The following SLC12A7 variants were observed in gnomAD, a reference collection of about 807,000 sequenced individuals.
The protein encoded by SLC12A7 is K-Cl cotransporter 4.
A neutral mutation model predicts 120.6 loss-of-function variants in SLC12A7; 100 were observed. The observed-to-expected ratio is 0.83, with a 90% confidence interval of 0.71 to 0.98. The LOEUF (loss-of-function observed/expected upper bound fraction) is 0.98, where lower values mean the gene tolerates loss of function less well. Ranked by LOEUF, SLC12A7 falls within the 50% of genes least tolerant of loss-of-function variation. SLC12A7 has a pLI of 0.00. For missense variants in SLC12A7, 1,373 were observed against 1,548.1 expected (o/e 0.89, Z 1.90); for synonymous variants, 760 against 678.0 (o/e 1.12, Z -1.88).
At chr5:1,057,331 G>T in intron 22 of SLC12A7, 140 bp downstream of exon 22, 1 of 863,140 alleles carries the variant, frequency 1.2e-6, no homozygotes, top group Non-Finnish European at 1.7e-6. Context: ...CACTCAGGCG[G>T]CTCCCTGTTC....
intron 3 of SLC12A7, among the ~76,000 whole-genome samples, chr5:1,093,328 C>A (rs1042550331): frequency 2.6e-5 from 4 of 152,196 alleles, no homozygotes; most frequent in African/African-American, 9.6e-5. Context: ...TGTCACGCTT[C>A]CCCGGACGGT....
chr5:1,095,558 C>G (rs1471615517), intron 1 of SLC12A7, among the ~76,000 whole-genome samples: 17 of 152,350 alleles, frequency 1.1e-4, no homozygotes. Context: ...GCCCAGTCCA[C>G]CCTAGCCCTG....
intron 3 of SLC12A7, among the ~76,000 whole-genome samples, chr5:1,093,008 C>G (rs1018835219): frequency 6.6e-6 from 1 of 152,156 alleles, no homozygotes. Context: ...CCCACAGAAA[C>G]CACTCAAGGG....
At chr5:1,126,238 C>T in the SLC12A7 span, among the ~76,000 whole-genome samples, 3,344 of 152,202 alleles carry the variant, frequency 0.022, 58 homozygotes, top group Middle Eastern at 0.11. Context: ...CAGGCATGGG[C>T]CACCATGCCC....
rs1056208308 is a variant in SLC12A7, at chr5:1,050,459, G to A, written c.*1901C>T. On this transcript the variant is annotated 3_prime_UTR_variant, in exon 24 of 24. Transcript: ENST00000264930. ...CCTACAAAAGGAAACGGAGTCAATT[G>A]TAAATGGCTGTAGTTACTGGTTACA... 7 of 176,068 alleles carry A rather than the reference G, an allele frequency of 4.0e-5. No homozygotes were observed. In the East Asian group the frequency reaches 4.4e-4, roughly 11 times the overall value. The allele number at this position is 176,068 out of a possible 1,614,324, so 10.9% of individuals were successfully genotyped here.
intron 9 of SLC12A7, among the ~76,000 whole-genome samples, chr5:1,081,320 G>T (rs566944260): frequency 6.6e-6 from 1 of 152,220 alleles, no homozygotes; most frequent in South Asian, 2.1e-4. Context: ...TTAACCGGGC[G>T]TGGTACCGTG....
chr5:1,134,640 C>T, the SLC12A7 span, among the ~76,000 whole-genome samples: 1 of 152,048 alleles, frequency 6.6e-6, no homozygotes, highest in Non-Finnish European at 1.5e-5. Context: ...AATAGAATGA[C>T]CCTCTGACCC....
At chr5:1,134,528 A>G in the SLC12A7 span, among the ~76,000 whole-genome samples, 36 of 152,244 alleles carry the variant, frequency 2.4e-4, no homozygotes, top group Non-Finnish European at 4.0e-4. Flanking sequence ...GAGAAAATGA[A>G]TGCTGTAAGA....
At chr5:1,062,546 C>T (rs1353641212) in intron 20 of SLC12A7, among the ~76,000 whole-genome samples, 1 of 152,238 alleles carries the variant, frequency 6.6e-6, no homozygotes, top group East Asian at 1.9e-4. Context: ...CACAGGACAA[C>T]TGAGTTCCAC....
At chr5:1,053,846 T>C (rs764852266) in intron 22 of SLC12A7, among the ~76,000 whole-genome samples, 8 of 152,228 alleles carry the variant, frequency 5.3e-5, no homozygotes, top group Non-Finnish European at 1.0e-4. Context: ...GGGTGGCCCA[T>C]GTGCCTGACG....
At chr5:1,057,681 G>C (rs748709897) in intron 21 of SLC12A7, 32 bp from the exon 22 acceptor site, 7 of 1,573,688 alleles carry the variant, frequency 4.4e-6, no homozygotes, top group Non-Finnish European at 6.0e-6. Flanking sequence ...GAGACCAGCC[G>C]GTCTCAAAAC....
At chr5:1,148,205 CTTTTTT>C in the SLC12A7 span, among the ~76,000 whole-genome samples, 2 of 107,638 alleles carry the variant, frequency 1.9e-5, no homozygotes, top group African/African-American at 3.8e-5. Context: ...TTCTTTCTTT[CTTTTTT>C]TTTTTTTTTT....
intron 23 of SLC12A7, among the ~76,000 whole-genome samples, chr5:1,052,901 A>G (rs1735203511): frequency 6.6e-6 from 1 of 152,228 alleles, no homozygotes; most frequent in South Asian, 2.1e-4. Flanking sequence ...GCCCAGATGC[A>G]CTGCGGAGTT....
Position 1,086,958 on chromosome 5 carries a change from A to G in SLC12A7, c.620T>C (p.Leu207Pro). Residue 207 changes from leucine (L) to proline (P), a missense_variant, in exon 6 of 24, where the codon CTG (leucine) becomes CCG (proline). Leu to Pro is a moderately conservative substitution (Grantham distance 98). Transcript: ENST00000264930. ...CATGGCCCCTGCAAACGTCGTGCCCAGGTAGAAGCAGAGGCCGACAGCGCC... is the reference window on the plus strand; with the variant it reads ...CATGGCCCCTGCAAACGTCGTGCCCGGGTAGAAGCAGAGGCCGACAGCGCC... The part of the protein sequence containing the change: ...FGGAVGLCFY[L>P]GTTFAGAMYI... 1.2e-6 allele frequency: 2 copies of G among 1,612,896 alleles called. No homozygotes were observed. The highest frequency in any genetic ancestry group is 1.7e-6 in the Non-Finnish European group (2 of 1,180,002).
the SLC12A7 span, among the ~76,000 whole-genome samples, chr5:1,150,687 C>G: frequency 1.3e-5 from 2 of 152,238 alleles, no homozygotes; most frequent in Non-Finnish European, 2.9e-5. Flanking sequence ...TCTTTAAGAG[C>G]AAAGTGACAA....
At chr5:1,128,452 A>G in the SLC12A7 span, among the ~76,000 whole-genome samples, 1 of 152,260 alleles carries the variant, frequency 6.6e-6, no homozygotes. Flanking sequence ...ACCCTGGAGC[A>G]TGCCTGGGTA....
At position 1,079,244 on chromosome 5, in the gene SLC12A7, C is replaced by T. The variant is rs748653878; in HGVS notation, c.1396+154G>A. 4.6e-5 allele frequency among the ~76,000 whole-genome samples: 7 copies of T among 152,200 alleles called. 1 individual carries two copies. Among genetic ancestry groups the T allele is most frequent in the Non-Finnish European group, 8.8e-5 (6 of 68,014 alleles). On this transcript the variant is annotated intron_variant, in intron 10 of 23. Transcript: ENST00000264930. ...GCCAGGGTCCTGACAGCAGCCCTTGCCCCGTCTCCCAGGGAGGATGACGTG... is the reference window on the plus strand; with the variant it reads ...GCCAGGGTCCTGACAGCAGCCCTTGTCCCGTCTCCCAGGGAGGATGACGTG...
chr5:1,154,319 ACCAATCCATGCAGT>A, the SLC12A7 span, among the ~76,000 whole-genome samples: 6 of 151,266 alleles, frequency 4.0e-5, no homozygotes, highest in Non-Finnish European at 8.8e-5. Flanking sequence ...ACACCCCTGT[ACCAATCCATGCAGT>A]CCTGGACAAC....
At chr5:1,134,470 A>T in the SLC12A7 span, among the ~76,000 whole-genome samples, 2 of 124,188 alleles carry the variant, frequency 1.6e-5, no homozygotes, top group Admixed American at 7.2e-5. Flanking sequence ...AATTCTGTTT[A>T]AAAAAAAAAA....
Sources: allele counts gnomAD v4.1 joint callset (sites outside exome capture counted in the v4.1 genomes callset), GRCh38; gene constraint gnomAD v4.1.1; transcripts MANE v1.5; gene names NCBI Gene and HGNC (gene_info 2026-07-23, HGNC 2026-07-21).